The following SLC44A1 variants were observed in gnomAD, a reference collection of about 807,000 sequenced individuals.
SLC44A1 encodes solute carrier family 44 member 1, also known as choline transporter-like protein 1.
A neutral mutation model predicts 79.3 loss-of-function variants in SLC44A1; 26 were observed. That is an observed-to-expected ratio of 0.33 (90% CI 0.24 to 0.46). SLC44A1 has a LOEUF of 0.46. Ranked by LOEUF, SLC44A1 falls within the 20% of genes least tolerant of loss-of-function variation. The pLI is 1.00. For missense variants in SLC44A1, 688 were observed against 798.1 expected, an observed-to-expected ratio of 0.86 and a Z score of 1.66; for synonymous variants, 263 against 286.2, an observed-to-expected ratio of 0.92 and a Z score of 0.82.
intron 7 of SLC44A1, among the ~76,000 whole-genome samples, chr9:105,360,889 G>A (rs1351273419): frequency 6.6e-6 from 1 of 152,110 alleles, no homozygotes; most frequent in African/African-American, 2.4e-5. Flanking sequence ...GTCAATTCCT[G>A]TCAGGGGTGT....
chr9:105,404,294 G>A (rs1029704557), intron 15 of SLC44A1, among the ~76,000 whole-genome samples: 2 of 151,694 alleles, frequency 1.3e-5, no homozygotes, highest in Non-Finnish European at 2.9e-5. Context: ...GCTAATGGAG[G>A]GATAGAATCA....
At chr9:105,409,704 A>G (rs1829071783) in intron 15 of SLC44A1, among the ~76,000 whole-genome samples, 1 of 152,214 alleles carries the variant, frequency 6.6e-6, no homozygotes, top group South Asian at 2.1e-4. Context: ...TAATAAGAGA[A>G]TCCACAGTAC....
intron 3 of SLC44A1, among the ~76,000 whole-genome samples, chr9:105,316,339 T>C (rs1831324919): frequency 6.6e-6 from 1 of 152,092 alleles, no homozygotes; most frequent in Non-Finnish European, 1.5e-5. Context: ...AATGATGCTG[T>C]AGAAGTATGT....
At chr9:105,402,462 A>G (rs1828970791) in intron 15 of SLC44A1, among the ~76,000 whole-genome samples, 2 of 152,332 alleles carry the variant, frequency 1.3e-5, no homozygotes, top group Middle Eastern at 3.4e-3. Flanking sequence ...AATTCATCTA[A>G]GCTCTGATTC....
chr9:105,379,461 T>G (rs1828394900), intron 13 of SLC44A1, among the ~76,000 whole-genome samples: 1 of 152,172 alleles, frequency 6.6e-6, no homozygotes, highest in Non-Finnish European at 1.5e-5. Flanking sequence ...GCTATAGTTT[T>G]ACAAGATGTT....
At chr9:105,324,643 G>C (rs942106724) in intron 3 of SLC44A1, among the ~76,000 whole-genome samples, 1 of 152,104 alleles carries the variant, frequency 6.6e-6, no homozygotes, top group Non-Finnish European at 1.5e-5. Flanking sequence ...GTGAATATCT[G>C]TGCCTTACTC....
chr9:105,429,297 T>C (rs1297188058), intron 15 of SLC44A1, among the ~76,000 whole-genome samples: 1 of 152,138 alleles, frequency 6.6e-6, no homozygotes, highest in Non-Finnish European at 1.5e-5. Context: ...TTTAATCTTT[T>C]TGGTTTGTTT....
At chr9:105,309,222 A>G (rs1831112455) in intron 2 of SLC44A1, among the ~76,000 whole-genome samples, 1 of 152,156 alleles carries the variant, frequency 6.6e-6, no homozygotes, top group Non-Finnish European at 1.5e-5. Context: ...TCCTTTGCTG[A>G]TGTTCACTTA....
At chr9:105,349,910 C>T (rs1388227745) in intron 5 of SLC44A1, among the ~76,000 whole-genome samples, 1 of 152,150 alleles carries the variant, frequency 6.6e-6, no homozygotes, top group African/African-American at 2.4e-5. Context: ...CGCCTCTGAC[C>T]TCTGATGCCA....
intron 13 of SLC44A1, among the ~76,000 whole-genome samples, chr9:105,376,495 T>A (rs1205213885): frequency 1.3e-5 from 2 of 151,890 alleles, no homozygotes; most frequent in Non-Finnish European, 2.9e-5. Context: ...TGCCTTAGCC[T>A]CCCAAGTAGC....
chr9:105,305,486 A>G (rs555015311), intron 2 of SLC44A1, among the ~76,000 whole-genome samples: 8 of 152,178 alleles, frequency 5.3e-5, no homozygotes, highest in Admixed American at 5.2e-4. Context: ...AAAAGAGGCG[A>G]AACAGAAGGC....
At chr9:105,295,465 C>A (rs572169636) in intron 1 of SLC44A1, among the ~76,000 whole-genome samples, 13 of 152,186 alleles carry the variant, frequency 8.5e-5, no homozygotes, top group Non-Finnish European at 1.5e-4. Flanking sequence ...TAGGTCTATG[C>A]AGAATTTTAA....
downstream of SLC44A1, among the ~76,000 whole-genome samples, chr9:105,400,816 C>A (rs1303866529): frequency 6.6e-6 from 1 of 152,122 alleles, no homozygotes; most frequent in Non-Finnish European, 1.5e-5. Flanking sequence ...TTAGCACTTA[C>A]CTTTATTGAA....
chr9:105,282,967 G>A (rs1411334546), intron 1 of SLC44A1, among the ~76,000 whole-genome samples: 1 of 152,194 alleles, frequency 6.6e-6, no homozygotes, highest in African/African-American at 2.4e-5. Context: ...CTTAGGGGTA[G>A]CTGAAGGTCA....
chr9:105,432,018 G>T (rs1281611622), intron 15 of SLC44A1, among the ~76,000 whole-genome samples: 1 of 152,180 alleles, frequency 6.6e-6, no homozygotes, highest in African/African-American at 2.4e-5. Flanking sequence ...TGCTTCCTGG[G>T]TTCAGCAATT....
chr9:105,343,087 A>G (rs1480660229), intron 4 of SLC44A1, among the ~76,000 whole-genome samples: 3 of 152,056 alleles, frequency 2.0e-5, no homozygotes, highest in Non-Finnish European at 4.4e-5. Flanking sequence ...AATTTTTATT[A>G]CCGTTTCCAT....
At chr9:105,414,561 A>G (rs1657881072) in intron 15 of SLC44A1, among the ~76,000 whole-genome samples, 1 of 152,212 alleles carries the variant, frequency 6.6e-6, no homozygotes, top group Admixed American at 6.5e-5. Context: ...TTGGATTTAC[A>G]AAGTTAATAT....
chr9:105,297,611 G>T (rs1255100149), intron 1 of SLC44A1, among the ~76,000 whole-genome samples: 1 of 152,148 alleles, frequency 6.6e-6, no homozygotes, highest in African/African-American at 2.4e-5. Flanking sequence ...TCGAGCTCCC[G>T]ACCTCAGGTG....
chr9:105,271,989 G>A (rs976105219), intron 1 of SLC44A1, among the ~76,000 whole-genome samples: 15 of 152,126 alleles, frequency 9.9e-5, no homozygotes, highest in Non-Finnish European at 2.2e-4. Flanking sequence ...TGTTTCTCTG[G>A]TGTAGAAATT....
Sources: allele counts gnomAD v4.1 joint callset (sites outside exome capture counted in the v4.1 genomes callset), GRCh38; gene constraint gnomAD v4.1.1; transcripts MANE v1.5; gene names NCBI Gene and HGNC (gene_info 2026-07-23, HGNC 2026-07-21).